VPS35L: variants seen among roughly 807,000 people sequenced by gnomAD.
The protein encoded by VPS35L is VPS35 endosomal protein sorting factor like, also known as VPS35 endosomal protein-sorting factor-like.
In VPS35L, 83 loss-of-function variants were observed where a neutral mutation model predicts 133.0. The observed-to-expected ratio is 0.62, with a 90% CI of 0.52 to 0.75. VPS35L has a LOEUF of 0.75. VPS35L is among the 30% of genes least tolerant of loss of function. VPS35L has a pLI of 0.00. For synonymous variants in VPS35L, 423 were observed against 449.9 expected, an observed-to-expected ratio of 0.94 and a Z score of 0.76; for missense variants, 1,083 against 1,206.8, an observed-to-expected ratio of 0.90 and a Z score of 1.52.
chr16:19,656,729 G>A (rs1381413918), intron 26 of VPS35L, among the ~76,000 whole-genome samples: 1 of 151,970 alleles, frequency 6.6e-6, no homozygotes, highest in Non-Finnish European at 1.5e-5. Context: ...TCTCTCAAAT[G>A]ATGAAAGTAT....
intron 12 of VPS35L, among the ~76,000 whole-genome samples, chr16:19,613,992 A>G (rs191080984): frequency 6.6e-6 from 1 of 152,290 alleles, no homozygotes; most frequent in Admixed American, 6.5e-5. Flanking sequence ...TGGCCCGATG[A>G]GAAGAGAAAA....
intron 29 of VPS35L, among the ~76,000 whole-genome samples, chr16:19,695,890 TATTTTA>T (rs781668513): frequency 6.9e-6 from 1 of 143,926 alleles, no homozygotes; most frequent in Non-Finnish European, 1.5e-5. Flanking sequence ...ATCCTTCTTT[TATTTTA>T]TTTTTTTTTT....
At chr16:19,624,479 G>A (rs1315111008) in intron 14 of VPS35L, among the ~76,000 whole-genome samples, 1 of 151,894 alleles carries the variant, frequency 6.6e-6, no homozygotes, top group Non-Finnish European at 1.5e-5. Flanking sequence ...CAGCTACTCG[G>A]GAGGCTGAGG....
In VPS35L at chr16:19,637,574, T is replaced by A; in HGVS notation, c.1636-20T>A. On this transcript the variant is annotated intron_variant, in intron 19 of 30. Coordinates refer to ENST00000417362, the MANE Select transcript of VPS35L (RefSeq NM_020314.7). ...AAATTAAGTTTTTAAAAATAATATT[T>A]TTGTTTGTTTGTTTTACAGCTTCAG... The A allele has an allele frequency of 1.4e-6, 2 of 1,478,564 alleles. No individual in the cohort carries two copies. The highest frequency in any genetic ancestry group is 1.8e-6 in the Non-Finnish European group (2 of 1,090,296). The allele number at this position is 1,478,564 out of a possible 1,614,324, so 91.6% of individuals were successfully genotyped here. A position where few individuals can be genotyped will look rare whatever the true frequency, so the allele number is the denominator to read the frequency against.
intron 14 of VPS35L, among the ~76,000 whole-genome samples, chr16:19,625,813 A>G (rs1221765259): frequency 6.6e-6 from 1 of 152,116 alleles, no homozygotes; most frequent in East Asian, 1.9e-4. Flanking sequence ...AGCTGGGATT[A>G]CAGGCACCCG....
chr16:19,561,069 TA>T (rs929578832), intron 1 of VPS35L, among the ~76,000 whole-genome samples: 1 of 151,434 alleles, frequency 6.6e-6, no homozygotes, highest in African/African-American at 2.4e-5. Flanking sequence ...GATTTTCCCT[TA>T]AAAAAAATAA....
At chr16:19,568,133 T>G (rs1448800149) in intron 2 of VPS35L, among the ~76,000 whole-genome samples, 2 of 152,306 alleles carry the variant, frequency 1.3e-5, no homozygotes, top group Non-Finnish European at 2.9e-5. Context: ...AGTATTTACT[T>G]GTACTTAACA....
intron 28 of VPS35L, among the ~76,000 whole-genome samples, chr16:19,682,601 C>T (rs1244037968): frequency 6.6e-6 from 1 of 152,226 alleles, no homozygotes; most frequent in East Asian, 1.9e-4. Context: ...GTGGCCCACG[C>T]CTGTAATCCC....
intron 23 of VPS35L, among the ~76,000 whole-genome samples, chr16:19,647,209 C>T (rs7196565): frequency 0.4 from 60,793 of 151,992 alleles, 12,826 homozygotes; most frequent in African/African-American, 0.52. Flanking sequence ...TATCTTTTTA[C>T]GGCATTGTCT....
At position 19,603,330 on chromosome 16, in the gene VPS35L, A is replaced by G. The variant is rs565400587; in HGVS notation, c.784+1607A>G. On this transcript the variant is annotated intron_variant, in intron 9 of 30. Transcript: ENST00000417362. The stretch of plus-strand genomic sequence containing the variant: ...CACTGGCCACGTGTTGCTCTTGAGC[A>G]CTTGAGATGTGGCCAGTCCAAATTG... Among the ~76,000 whole-genome samples, 12 of 152,284 alleles carry G rather than the reference A, an allele frequency of 7.9e-5. 1 individual carries two copies. The East Asian group carries it at 2.3e-3, about 29-fold the overall frequency.
chr16:19,676,983 G>A (rs574627471), intron 27 of VPS35L, among the ~76,000 whole-genome samples: 7 of 152,148 alleles, frequency 4.6e-5, no homozygotes, highest in Admixed American at 2.0e-4. Flanking sequence ...AGGCTGAGGC[G>A]GAAGGATTGC....
At chr16:19,674,832 T>G (rs1370522541) in intron 27 of VPS35L, among the ~76,000 whole-genome samples, 1 of 152,224 alleles carries the variant, frequency 6.6e-6, no homozygotes, top group Non-Finnish European at 1.5e-5. Context: ...AACTGGCTTA[T>G]TTCACATAGT....
chr16:19,625,715 C>T (rs2151563278), intron 14 of VPS35L, among the ~76,000 whole-genome samples: 1 of 152,148 alleles, frequency 6.6e-6, no homozygotes, highest in Middle Eastern at 3.4e-3. Context: ...CCTCTGTCTC[C>T]CAGGCTGGAG....
intron 26 of VPS35L, among the ~76,000 whole-genome samples, chr16:19,663,057 C>T (rs542982580): frequency 1.3e-5 from 2 of 152,160 alleles, no homozygotes; most frequent in Middle Eastern, 6.8e-3. Context: ...TGGCTATAAT[C>T]CCAGCACTTT....
chr16:19,587,396 G>A (rs771202398), intron 7 of VPS35L: 2 of 445,016 alleles, frequency 4.5e-6, no homozygotes, highest in Non-Finnish European at 4.5e-6. Flanking sequence ...TTGGGAGGCT[G>A]AGGTGGGCGG....
At chr16:19,608,095 C>T (rs1972590700) in intron 9 of VPS35L, 83 bp from the exon 10 acceptor site, 2 of 994,558 alleles carry the variant, frequency 2.0e-6, no homozygotes, top group Non-Finnish European at 3.2e-6. Flanking sequence ...CTTTTCTGCT[C>T]CAGGGTAATG....
chr16:19,650,250 G>C, intron 24 of VPS35L, 132 bp from the exon 25 acceptor site: 2 of 747,152 alleles, frequency 2.7e-6, no homozygotes, highest in South Asian at 3.2e-5. Context: ...AAGGTTTAGT[G>C]CTAACCAGTC....
chr16:19,623,035 C>G (rs1262740396), intron 14 of VPS35L, among the ~76,000 whole-genome samples: 4 of 152,082 alleles, frequency 2.6e-5, no homozygotes, highest in Non-Finnish European at 5.9e-5. Flanking sequence ...CCGACAGCAT[C>G]CAGGGAATCT....
At chr16:19,615,745 G>A (rs1567425196) in intron 12 of VPS35L, among the ~76,000 whole-genome samples, 1 of 151,900 alleles carries the variant, frequency 6.6e-6, no homozygotes, top group Non-Finnish European at 1.5e-5. Flanking sequence ...AGGGTGGGCA[G>A]ATCATGAGGT....
Sources: gnomAD v4.1 joint callset for allele counts (sites outside exome capture counted in the v4.1 genomes callset) on GRCh38, gnomAD v4.1.1 for gene constraint, MANE v1.5 for transcripts, NCBI Gene and HGNC (gene_info 2026-07-23, HGNC 2026-07-21) for gene names.